Variants in MAGI2 observed in about 807,000 individuals in gnomAD.
The protein encoded by MAGI2 is membrane-associated guanylate kinase, WW and PDZ domain-containing protein 2.
Under a neutral mutation model 133.3 loss-of-function variants are expected in MAGI2, and 35 were observed. The ratio of observed to expected loss-of-function variants is 0.26; its 90% CI spans 0.20 to 0.35. MAGI2 has a LOEUF of 0.35. MAGI2 is among the 10% of genes least tolerant of loss of function. The pLI, the probability that MAGI2 is intolerant of heterozygous loss-of-function variation, is 1.00. For synonymous variants in MAGI2, 729 were observed against 710.6 expected (o/e 1.03, Z -0.41); for missense variants, 1,636 against 1,863.4 (o/e 0.88, Z 2.25).
chr7:79,028,062 A>G (rs1810077773), intron 1 of MAGI2, among the ~76,000 whole-genome samples: 1 of 151,322 alleles, frequency 6.6e-6, no homozygotes, highest in Non-Finnish European at 1.5e-5. Flanking sequence ...AAATACAAAA[A>G]TTAGCTGGGC....
At chr7:78,135,228 T>C (rs957771774) in intron 16 of MAGI2, 22 bp from the exon 17 acceptor site, 2 of 1,601,286 alleles carry the variant, frequency 1.2e-6, no homozygotes, top group South Asian at 1.1e-5. Context: ...CCAACAGAAA[T>C]AGGTATCAGG....
chr7:78,543,456 TA>T (rs1276128211), intron 3 of MAGI2, among the ~76,000 whole-genome samples: 1 of 152,184 alleles, frequency 6.6e-6, no homozygotes, highest in East Asian at 1.9e-4. Context: ...ACATCATTTT[TA>T]AAAAAGGTAT....
chr7:78,540,068 G>A (rs1417796342), intron 3 of MAGI2, among the ~76,000 whole-genome samples: 1 of 152,174 alleles, frequency 6.6e-6, no homozygotes, highest in Non-Finnish European at 1.5e-5. Flanking sequence ...ATCATATAGG[G>A]GGATATAAGC....
intron 20 of MAGI2, among the ~76,000 whole-genome samples, chr7:78,095,346 C>G (rs1320495237): frequency 5.3e-5 from 8 of 152,096 alleles, no homozygotes; most frequent in African/African-American, 7.2e-5. Context: ...ATGGATATTC[C>G]AAACTACAGC....
chr7:78,360,668 T>C (rs1435426894), intron 7 of MAGI2, among the ~76,000 whole-genome samples: 1 of 152,222 alleles, frequency 6.6e-6, no homozygotes, highest in East Asian at 1.9e-4. Flanking sequence ...AGCAGTGTTT[T>C]CTGGGTTGCC....
At chr7:78,374,810 ATTTTTGCACTTATATTC>A (rs1338684296) in intron 6 of MAGI2, among the ~76,000 whole-genome samples, 3 of 151,878 alleles carry the variant, frequency 2.0e-5, no homozygotes, top group Admixed American at 6.6e-5. Flanking sequence ...AGAATGTAGG[ATTTTTGCACTTATATTC>A]TTCTTTTACA....
At chr7:78,710,816 C>A (rs1425694839) in intron 2 of MAGI2, among the ~76,000 whole-genome samples, 1 of 152,124 alleles carries the variant, frequency 6.6e-6, no homozygotes, top group Non-Finnish European at 1.5e-5. Context: ...TTCACAGTTT[C>A]ATTTATGCTT....
At chr7:78,434,357 G>C (rs1328467014) in intron 6 of MAGI2, among the ~76,000 whole-genome samples, 1 of 152,180 alleles carries the variant, frequency 6.6e-6, no homozygotes, top group African/African-American at 2.4e-5. Context: ...GCCTTCAAGG[G>C]CATCAGGAAG....
At chr7:78,733,232 T>C (rs1585228633) in intron 2 of MAGI2, among the ~76,000 whole-genome samples, 1 of 152,288 alleles carries the variant, frequency 6.6e-6, no homozygotes, top group East Asian at 1.9e-4. Context: ...TACTAGTTCT[T>C]ACTAACATAA....
intron 2 of MAGI2, among the ~76,000 whole-genome samples, chr7:78,663,830 C>T (rs1813247618): frequency 6.6e-6 from 1 of 152,176 alleles, no homozygotes; most frequent in Admixed American, 6.5e-5. Flanking sequence ...TGATTTAAAT[C>T]TTCCTAGGTG....
Position 79,395,832 on chromosome 7 carries a change from T to G in MAGI2, c.301+57188A>C, listed in dbSNP as rs145243739. On this transcript the variant is annotated intron_variant, in intron 1 of 21. Coordinates refer to ENST00000354212, the MANE Select transcript of MAGI2 (RefSeq NM_012301.4). ...ACTCCTTCCATCAGATACTCTAGAATAGCTATGCAGACCATTCAATGTAAG... is the reference window on the plus strand; with the variant it reads ...ACTCCTTCCATCAGATACTCTAGAAGAGCTATGCAGACCATTCAATGTAAG... Among the ~76,000 whole-genome samples, 63 of 152,270 alleles carry G rather than the reference T, an allele frequency of 4.1e-4. No individual in the cohort carries two copies. The Middle Eastern group carries it at 0.01, about 25-fold the overall frequency.
At chr7:78,205,517 T>C (rs1327833441) in intron 10 of MAGI2, among the ~76,000 whole-genome samples, 1 of 152,180 alleles carries the variant, frequency 6.6e-6, no homozygotes, top group East Asian at 1.9e-4. Context: ...GAGAAAACAA[T>C]GAATAATTTT....
chr7:78,544,769 G>A lies in MAGI2; in HGVS notation c.539-23124C>T, dbSNP rs974861259. Among the ~76,000 whole-genome samples, 305 of 152,122 alleles carry A rather than the reference G, an allele frequency of 2.0e-3. 4 individuals carry two copies. The highest frequency in any genetic ancestry group is 1.5e-4 in the Non-Finnish European group (10 of 68,012). On this transcript the variant is annotated intron_variant, in intron 3 of 21. Transcript: ENST00000354212. ...ATCTGTCTTGAACCCGGGAGGTGGA[G>A]GTTGCGGTGAGCTGAGATCACGCCA...
At chr7:78,173,192 T>C (rs1438392151) in intron 14 of MAGI2, among the ~76,000 whole-genome samples, 1 of 152,200 alleles carries the variant, frequency 6.6e-6, no homozygotes, top group Non-Finnish European at 1.5e-5. Context: ...GATAGGAACC[T>C]GGGAACTTGT....
chr7:78,758,717 T>C (rs1824200794), intron 2 of MAGI2, among the ~76,000 whole-genome samples: 1 of 152,178 alleles, frequency 6.6e-6, no homozygotes, highest in Non-Finnish European at 1.5e-5. Flanking sequence ...GGCCACCATT[T>C]TTTTGGGCAA....
At chr7:79,450,325 G>C (rs1267584444) in intron 1 of MAGI2, among the ~76,000 whole-genome samples, 1 of 151,526 alleles carries the variant, frequency 6.6e-6, no homozygotes, top group Non-Finnish European at 1.5e-5. Context: ...AGGCACTATA[G>C]TAAAGGTTCT....
chr7:78,753,203 T>G, intron 2 of MAGI2, among the ~76,000 whole-genome samples: 1 of 152,112 alleles, frequency 6.6e-6, no homozygotes, highest in East Asian at 1.9e-4. Flanking sequence ...TTAAGGCAGC[T>G]ATTATAATTA....
At chr7:78,864,251 G>A (rs1290539607) in intron 2 of MAGI2, among the ~76,000 whole-genome samples, 1 of 152,146 alleles carries the variant, frequency 6.6e-6, no homozygotes, top group Non-Finnish European at 1.5e-5. Context: ...GTGCCTGAGG[G>A]AATATCTAAA....
chr7:78,637,515 A>G (rs1319017238), intron 2 of MAGI2, among the ~76,000 whole-genome samples: 1 of 152,148 alleles, frequency 6.6e-6, no homozygotes, highest in Non-Finnish European at 1.5e-5. Context: ...GACAAATGAA[A>G]AATCTGTAGA....
Sources: gnomAD v4.1 joint callset for allele counts (sites outside exome capture counted in the v4.1 genomes callset) on GRCh38, gnomAD v4.1.1 for gene constraint, MANE v1.5 for transcripts, NCBI Gene and HGNC (gene_info 2026-07-23, HGNC 2026-07-21) for gene names.